ITFG1: variants seen among roughly 807,000 people sequenced by gnomAD.
The protein encoded by ITFG1 is integrin alpha FG-GAP repeat containing 1.
In ITFG1, 34 loss-of-function variants were observed where a neutral mutation model predicts 81.8. That is an observed-to-expected ratio of 0.42 (90% CI 0.32 to 0.55). The LOEUF (loss-of-function observed/expected upper bound fraction) is 0.55. Ranked by LOEUF, ITFG1 falls within the 20% of genes least tolerant of loss-of-function variation. ITFG1 has a pLI of 0.17. For missense variants in ITFG1, 672 were observed against 755.4 expected (o/e 0.89, Z 1.29); for synonymous variants, 285 against 270.6 (o/e 1.05, Z -0.52).
intron 8 of ITFG1, among the ~76,000 whole-genome samples, chr16:47,321,892 T>C (rs1967453929): frequency 6.6e-6 from 1 of 152,152 alleles, no homozygotes; most frequent in Non-Finnish European, 1.5e-5. Flanking sequence ...TATGACAATG[T>C]GAAACAAGTG....
chr16:47,343,757 C>T (rs557759617), intron 8 of ITFG1, among the ~76,000 whole-genome samples: 10 of 152,122 alleles, frequency 6.6e-5, no homozygotes, highest in Non-Finnish European at 8.8e-5. Flanking sequence ...CTGGTAGGAA[C>T]GTAAAATGTT....
At chr16:47,228,414 C>T (rs1204996061) in intron 13 of ITFG1, among the ~76,000 whole-genome samples, 1 of 152,238 alleles carries the variant, frequency 6.6e-6, no homozygotes, top group East Asian at 1.9e-4. Flanking sequence ...GGCTGGAGCC[C>T]AGTGGCGCGA....
chr16:47,425,837 T>C (rs968190055), intron 6 of ITFG1: 4 of 152,062 alleles, frequency 2.6e-5, no homozygotes, highest in Non-Finnish European at 5.9e-5. Flanking sequence ...GTAATCTGCT[T>C]GCCTCAATCT....
intron 10 of ITFG1, among the ~76,000 whole-genome samples, chr16:47,296,476 C>T (rs918320430): frequency 6.6e-6 from 1 of 152,150 alleles, no homozygotes; most frequent in Non-Finnish European, 1.5e-5. Context: ...GGCTCTGTCG[C>T]CCAGGCTGGA....
chr16:47,171,251 T>C (rs1964957738), intron 14 of ITFG1, among the ~76,000 whole-genome samples: 1 of 151,716 alleles, frequency 6.6e-6, no homozygotes, highest in African/African-American at 2.4e-5. Context: ...CAAGCATTCT[T>C]CATGCTTTGG....
chr16:47,357,394 C>T (rs976962381), intron 8 of ITFG1, among the ~76,000 whole-genome samples: 2 of 151,926 alleles, frequency 1.3e-5, no homozygotes, highest in East Asian at 3.9e-4. Flanking sequence ...GTGGGCGGAT[C>T]GTGAGGTCAG....
intron 6 of ITFG1, among the ~76,000 whole-genome samples, chr16:47,421,831 C>T (rs1459149460): frequency 2.0e-5 from 3 of 152,112 alleles, no homozygotes; most frequent in Admixed American, 6.5e-5. Flanking sequence ...CTCCCACAGT[C>T]CCCCACCCAG....
chr16:47,225,112 G>T (rs1254101970), intron 13 of ITFG1, among the ~76,000 whole-genome samples: 1 of 152,184 alleles, frequency 6.6e-6, no homozygotes, highest in Admixed American at 6.5e-5. Context: ...TCACAAAATA[G>T]AACAAAACTG....
intron 8 of ITFG1, among the ~76,000 whole-genome samples, chr16:47,345,865 C>T (rs1407450426): frequency 6.6e-6 from 1 of 152,170 alleles, no homozygotes; most frequent in Admixed American, 6.5e-5. Flanking sequence ...ACCATATATG[C>T]ACCCAACATC....
chr16:47,306,428 A>G (rs1192758287), intron 10 of ITFG1, among the ~76,000 whole-genome samples: 1 of 152,082 alleles, frequency 6.6e-6, no homozygotes, highest in Non-Finnish European at 1.5e-5. Flanking sequence ...AACCACCATA[A>G]AAACAACTTT....
At chr16:47,373,376 A>C (rs1968283297) in intron 7 of ITFG1, among the ~76,000 whole-genome samples, 1 of 152,018 alleles carries the variant, frequency 6.6e-6, no homozygotes, top group Non-Finnish European at 1.5e-5. Flanking sequence ...TCCACCTCCC[A>C]GGATCAAGTG....
intron 10 of ITFG1, among the ~76,000 whole-genome samples, chr16:47,293,027 T>C (rs1966928098): frequency 6.7e-6 from 1 of 149,134 alleles, no homozygotes; most frequent in Non-Finnish European, 1.5e-5. Context: ...GCTCTCTCTC[T>C]ATATATATAT....
At chr16:47,351,567 C>G (rs951438057) in intron 8 of ITFG1, among the ~76,000 whole-genome samples, 2 of 152,146 alleles carry the variant, frequency 1.3e-5, no homozygotes, top group East Asian at 1.9e-4. Flanking sequence ...AAAGAGGACA[C>G]AAACAAATGG....
chr16:47,268,527 C>T (rs1286001004), intron 10 of ITFG1, among the ~76,000 whole-genome samples: 1 of 152,052 alleles, frequency 6.6e-6, no homozygotes, highest in East Asian at 1.9e-4. Flanking sequence ...TGTTAAACAC[C>T]CAAATGAAAG....
chr16:47,337,747 G>A (rs1387297970), intron 8 of ITFG1, among the ~76,000 whole-genome samples: 2 of 152,172 alleles, frequency 1.3e-5, no homozygotes, highest in Non-Finnish European at 2.9e-5. Flanking sequence ...AGTGGGGGAG[G>A]GTTGCGGGGA....
chr16:47,181,723 G>A (rs1215919656), intron 14 of ITFG1, among the ~76,000 whole-genome samples: 3 of 152,186 alleles, frequency 2.0e-5, no homozygotes, highest in Non-Finnish European at 2.9e-5. Context: ...TGACAATGGC[G>A]GTTTTGTGGA....
intron 10 of ITFG1, 106 bp from the exon 11 acceptor site, chr16:47,260,801 A>C: frequency 8.7e-7 from 1 of 1,148,618 alleles, no homozygotes; most frequent in East Asian, 2.4e-5. Context: ...GTACACAGTG[A>C]AATTACACGA....
At chr16:47,239,822 T>A (rs1160974729) in intron 12 of ITFG1, among the ~76,000 whole-genome samples, 2 of 152,200 alleles carry the variant, frequency 1.3e-5, no homozygotes, top group South Asian at 4.1e-4. Context: ...TTTCCAACTG[T>A]TCCAAAATGA....
chr16:47,424,008 T>C (rs1176829447), intron 6 of ITFG1, among the ~76,000 whole-genome samples: 3 of 152,230 alleles, frequency 2.0e-5, no homozygotes, highest in Non-Finnish European at 4.4e-5. Flanking sequence ...TCCTGGATAA[T>C]ATCCTGAAGA....
Sources: allele counts gnomAD v4.1 joint callset (sites outside exome capture counted in the v4.1 genomes callset), GRCh38; gene constraint gnomAD v4.1.1; transcripts MANE v1.5; gene names NCBI Gene and HGNC (gene_info 2026-07-23, HGNC 2026-07-21).